Variants in CFAP54 observed in about 807,000 individuals in gnomAD.
CFAP54 encodes the protein cilia- and flagella-associated protein 54.
A neutral mutation model predicts 370.4 loss-of-function variants in CFAP54; 290 were observed. The observed-to-expected ratio is 0.78, with a 90% CI of 0.71 to 0.86. The LOEUF (loss-of-function observed/expected upper bound fraction) is 0.86. Among genes scored for constraint, CFAP54 ranks in the 40% least tolerant of loss-of-function variants. The pLI, the probability that CFAP54 is intolerant of heterozygous loss-of-function variation, is 0.00. For missense variants in CFAP54, 3,399 were observed against 3,528.7 expected, an observed-to-expected ratio of 0.96 and a Z score of 0.93; for synonymous variants, 1,206 against 1,236.5, an observed-to-expected ratio of 0.98 and a Z score of 0.52.
Position 96,720,556 on chromosome 12 carries a change from C to T in CFAP54, c.6956C>T (p.Ala2319Val), listed in dbSNP as rs772486861. The T allele has an allele frequency of 2.7e-5, 42 of 1,546,358 alleles. No homozygotes were observed. The highest frequency in any genetic ancestry group is 7.2e-5 in the East Asian group (3 of 41,500). The change falls in exon 50 of 68, where the codon GCG becomes GTG. Residue 2319 changes from alanine (A) to valine (V), a missense_variant. Physicochemically the swap from Ala to Val is moderately conservative, Grantham distance 64 (BLOSUM62 0). Around this residue, in one of 3 missense-constraint regions of CFAP54, gnomAD observed 2,796 missense variants for 2,869.7 expected, o/e 0.97. Transcript: ENST00000524981. ...LAAVALQRHRAAYSAAIVFST... is the reference protein window; with the variant it reads ...LAAVALQRHRVAYSAAIVFST... ...GCAGTTGCTCTGCAGAGGCACCGGG[C>T]GGCATACAGGTGCGTCTCTCCATGC...
intron 17 of CFAP54, among the ~76,000 whole-genome samples, chr12:96,557,431 C>T (rs1263159096): frequency 6.6e-6 from 1 of 152,130 alleles, no homozygotes; most frequent in East Asian, 1.9e-4. Flanking sequence ...CAATGTCACT[C>T]ATAGGTACAT....
At chr12:96,657,752 A>G (rs113697275) in intron 36 of CFAP54, 130 bp from the exon 37 acceptor site, 1 of 703,332 alleles carries the variant, frequency 1.4e-6, no homozygotes, top group Non-Finnish European at 2.4e-6. Context: ...TTTGACTTGC[A>G]TAAGAAAAAT....
chr12:96,607,828 T>A (rs1439949466), intron 26 of CFAP54, among the ~76,000 whole-genome samples: 1 of 151,740 alleles, frequency 6.6e-6, no homozygotes, highest in East Asian at 1.9e-4. Context: ...ATGCTAGAAG[T>A]TAAAACACTG....
At chr12:96,573,117 C>CA in intron 19 of CFAP54, 1 of 830,160 alleles carries the variant, frequency 1.2e-6, no homozygotes, top group Non-Finnish European at 1.5e-6. Context: ...TTACAGGCTC[C>CA]AGACATAATC....
chr12:96,629,716 C>A (rs1956586106), intron 30 of CFAP54, among the ~76,000 whole-genome samples: 1 of 152,150 alleles, frequency 6.6e-6, no homozygotes, highest in African/African-American at 2.4e-5. Context: ...CTGCAAAGAA[C>A]ATTCTTATAC....
chr12:96,561,500 A>G (rs959396683), intron 17 of CFAP54, among the ~76,000 whole-genome samples: 49 of 152,010 alleles, frequency 3.2e-4, no homozygotes, highest in African/African-American at 1.2e-3. Context: ...TTATTCTTTG[A>G]GATTTTTTTT....
intron 50 of CFAP54, among the ~76,000 whole-genome samples, chr12:96,731,451 A>G (rs1461431316): frequency 6.6e-6 from 1 of 152,200 alleles, no homozygotes; most frequent in East Asian, 1.9e-4. Flanking sequence ...AACAATGGAC[A>G]AACTATGGTT....
At chr12:96,610,486 A>G (rs1956345860) in intron 26 of CFAP54, among the ~76,000 whole-genome samples, 1 of 152,176 alleles carries the variant, frequency 6.6e-6, no homozygotes, top group Non-Finnish European at 1.5e-5. Flanking sequence ...AATGCAGAAA[A>G]TGGGTGATTT....
rs1054311608 is a variant in CFAP54 at position 96,540,798 on chromosome 12, T to C, written c.1927-39T>C. 21 of 1,298,630 alleles carry C rather than the reference T, an allele frequency of 1.6e-5. No homozygotes were observed. In the African/African-American group the frequency reaches 2.6e-4, roughly 16 times the overall value. The allele number at this position is 1,298,630 out of a possible 1,614,324, so 80.4% of individuals were successfully genotyped here. A position where few individuals can be genotyped will look rare whatever the true frequency, so the allele number is the denominator to read the frequency against. On this transcript the variant is annotated intron_variant, in intron 13 of 67. Transcript: ENST00000524981. Reference sequence around the variant, plus strand: ...ATGTGACTGTTTCTACAGTTTCATATACTTTTAATTAATTTTGCTGTGTAT... The same window carrying C: ...ATGTGACTGTTTCTACAGTTTCATACACTTTTAATTAATTTTGCTGTGTAT...
At chr12:96,627,813 AAAT>A (rs1429345526) in intron 30 of CFAP54, among the ~76,000 whole-genome samples, 2 of 152,204 alleles carry the variant, frequency 1.3e-5, no homozygotes, top group Non-Finnish European at 2.9e-5. Flanking sequence ...TAGGGGGGTT[AAAT>A]AATGTTCTTG....
At chr12:96,546,269 T>C (rs1332885346) in intron 14 of CFAP54, among the ~76,000 whole-genome samples, 1 of 152,194 alleles carries the variant, frequency 6.6e-6, no homozygotes, top group African/African-American at 2.4e-5. Flanking sequence ...AGAATTGATT[T>C]CATGTTTGGT....
chr12:96,625,215 A>G (rs1438102245), intron 28 of CFAP54, among the ~76,000 whole-genome samples: 1 of 152,246 alleles, frequency 6.6e-6, no homozygotes, highest in Non-Finnish European at 1.5e-5. Context: ...AGAAGATACT[A>G]TTATTATCTC....
intron 50 of CFAP54, among the ~76,000 whole-genome samples, chr12:96,721,965 T>G (rs769295560): frequency 1.3e-5 from 2 of 152,186 alleles, no homozygotes; most frequent in Non-Finnish European, 2.9e-5. Context: ...GACTCCATTT[T>G]GATGTTCAAT....
Position 96,533,783 on chromosome 12 carries a change from C to A in CFAP54, c.1358-9C>A. 6.7e-7 allele frequency: 1 copy of A among 1,498,890 alleles called. No individual in the cohort carries two copies. Among genetic ancestry groups the A allele is most frequent in the Non-Finnish European group, 8.8e-7 (1 of 1,132,470 alleles). The allele number at this position is 1,498,890 out of a possible 1,614,324, so 92.8% of individuals were successfully genotyped here. A position where few individuals can be genotyped will look rare whatever the true frequency, so the allele number is the denominator to read the frequency against. ...AGTGATATTCAAAACTCTCTTCTTC[C>A]TTTCCTAGTGTCAAATATTGGTGCA... On this transcript the variant is annotated splice_polypyrimidine_tract_variant and intron_variant, in intron 9 of 67. Transcript: ENST00000524981.
chr12:96,653,256 A>G (rs890627332), intron 36 of CFAP54, among the ~76,000 whole-genome samples: 2 of 152,256 alleles, frequency 1.3e-5, no homozygotes, highest in African/African-American at 4.8e-5. Context: ...CCCTGAATTT[A>G]TAGCTGGTCA....
At chr12:96,849,393 T>G (rs886744868) in intron 66 of CFAP54, among the ~76,000 whole-genome samples, 2 of 152,220 alleles carry the variant, frequency 1.3e-5, no homozygotes, top group African/African-American at 2.4e-5. Flanking sequence ...TAGTAAGCAT[T>G]TGGCTCCTCC....
At chr12:96,788,576 A>G (rs538284952) in intron 62 of CFAP54, among the ~76,000 whole-genome samples, 1 of 152,212 alleles carries the variant, frequency 6.6e-6, no homozygotes, top group Non-Finnish European at 1.5e-5. Context: ...AGAACTGAAA[A>G]TGTGGCTTGT....
At chr12:96,768,229 G>A (rs1223095533) in intron 60 of CFAP54, among the ~76,000 whole-genome samples, 1 of 152,152 alleles carries the variant, frequency 6.6e-6, no homozygotes, top group East Asian at 1.9e-4. Context: ...GGTGAGACAG[G>A]AGAATCGCTT....
intron 48 of CFAP54, among the ~76,000 whole-genome samples, chr12:96,716,470 T>C (rs1050531863): frequency 1.3e-5 from 2 of 152,230 alleles, no homozygotes; most frequent in Non-Finnish European, 2.9e-5. Context: ...GGGTTCAAAT[T>C]GTCATGCTTG....
Sources: allele counts gnomAD v4.1 joint callset (sites outside exome capture counted in the v4.1 genomes callset), GRCh38; gene constraint gnomAD v4.1.1; regional missense constraint gnomAD v4.1.1; transcripts MANE v1.5; gene names NCBI Gene and HGNC (gene_info 2026-07-23, HGNC 2026-07-21).